The following AGGF1 variants were observed in gnomAD, a reference collection of about 807,000 sequenced individuals.
AGGF1 encodes the protein angiogenic factor with G-patch and FHA domains 1, also known as angiogenic factor with G patch and FHA domains 1.
A neutral mutation model predicts 86.5 loss-of-function variants in AGGF1; 56 were observed. That is an observed-to-expected ratio of 0.65 (90% CI 0.52 to 0.81). AGGF1 has a LOEUF of 0.81. AGGF1 is among the 30% of genes least tolerant of loss of function. The pLI, the probability that AGGF1 is intolerant of heterozygous loss-of-function variation, is 0.00. For missense variants in AGGF1, 816 were observed against 850.9 expected, an observed-to-expected ratio of 0.96 and a Z score of 0.51; for synonymous variants, 313 against 297.1, an observed-to-expected ratio of 1.05 and a Z score of -0.55.
At chr5:77,036,826 C>T (rs948993214) in intron 4 of AGGF1, 106 bp downstream of exon 4, 1 of 1,256,108 alleles carries the variant, frequency 8.0e-7, no homozygotes, top group Non-Finnish European at 1.1e-6. Flanking sequence ...CAACTTTCAC[C>T]CCCCAGGTTC....
intron 12 of AGGF1, among the ~76,000 whole-genome samples, chr5:77,061,129 A>G (rs1029749516): frequency 7.2e-5 from 11 of 152,232 alleles, no homozygotes; most frequent in Admixed American, 3.3e-4. Flanking sequence ...TCAATGATAC[A>G]TCATAAGATT....
At chr5:77,047,798 G>A (rs1017764076) in intron 6 of AGGF1, among the ~76,000 whole-genome samples, 24 of 149,236 alleles carry the variant, frequency 1.6e-4, no homozygotes, top group Admixed American at 1.0e-3. Flanking sequence ...GATTATAGGT[G>A]TGGACCACTG....
intron 12 of AGGF1, among the ~76,000 whole-genome samples, chr5:77,061,249 A>G (rs1033681878): frequency 6.6e-6 from 1 of 152,184 alleles, no homozygotes; most frequent in Non-Finnish European, 1.5e-5. Context: ...TGTCCTCCCG[A>G]AAGGTAATCA....
intron 5 of AGGF1, 38 bp downstream of exon 5, chr5:77,039,757 G>T: frequency 6.4e-7 from 1 of 1,565,442 alleles, no homozygotes; most frequent in Non-Finnish European, 8.7e-7. Flanking sequence ...ACATAATGGT[G>T]ATAACATGAT....
intron 10 of AGGF1, among the ~76,000 whole-genome samples, chr5:77,054,426 T>C (rs1051578956): frequency 2.0e-5 from 3 of 152,242 alleles, no homozygotes; most frequent in Non-Finnish European, 4.4e-5. Flanking sequence ...CTTCATGATA[T>C]GTAGCATTGG....
intron 9 of AGGF1, among the ~76,000 whole-genome samples, chr5:77,053,137 T>C (rs1390658630): frequency 6.6e-6 from 1 of 152,188 alleles, no homozygotes; most frequent in Non-Finnish European, 1.5e-5. Context: ...TGTTACTAAA[T>C]TGAAAACTGT....
rs772360339 is a variant in AGGF1, at chr5:77,046,488, A to G, written c.1012A>G (p.Ser338Gly). 1.2e-6 allele frequency: 2 copies of G among 1,614,096 alleles called. No individual in the cohort carries two copies. Among genetic ancestry groups the G allele is most frequent in the Admixed American group, 3.3e-5 (2 of 60,024 alleles). The change falls in exon 6 of 14, where the codon AGT becomes GGT. Residue 338 changes from serine (S) to glycine (G), a missense_variant. Physicochemically the swap from Ser to Gly is moderately conservative, Grantham distance 56. Around this residue, in one of 3 missense-constraint regions of AGGF1, gnomAD observed 565 missense variants for 585.8 expected, o/e 0.96. Transcript: ENST00000312916. ...NSPPKVTVPTSGNTIESPLHE... is the reference protein window; with the variant it reads ...NSPPKVTVPTGGNTIESPLHE... ...TCCCCCCAAAGTCACTGTTCCAACT[A>G]GTGGAAATACTATAGAGTCTCCTCT...
intron 1 of AGGF1, 36 bp from the exon 2 acceptor site, chr5:77,034,382 A>ATT (rs1746925476): frequency 7.8e-7 from 1 of 1,277,894 alleles, no homozygotes; most frequent in Non-Finnish European, 1.1e-6. Flanking sequence ...AGATTGTTAC[A>ATT]TGATTTCTTT....
chr5:77,044,285 G>A (rs757351503), intron 5 of AGGF1, among the ~76,000 whole-genome samples: 1 of 152,120 alleles, frequency 6.6e-6, no homozygotes, highest in Non-Finnish European at 1.5e-5. Context: ...TCCAGCCTGG[G>A]CACCATTGAG....
intron 11 of AGGF1, among the ~76,000 whole-genome samples, chr5:77,058,962 A>G (rs902064672): frequency 1.3e-5 from 2 of 152,220 alleles, no homozygotes; most frequent in African/African-American, 2.4e-5. Context: ...GTGACTAATA[A>G]GTCACTTAAA....
intron 8 of AGGF1, among the ~76,000 whole-genome samples, chr5:77,051,113 A>G (rs966478419): frequency 9.9e-5 from 15 of 151,088 alleles, no homozygotes; most frequent in Non-Finnish European, 2.1e-4. Flanking sequence ...TTTACAGAAG[A>G]GGAAACCCAA....
chr5:77,046,711 C>A (rs767554843), intron 6 of AGGF1, 34 bp downstream of exon 6: 1 of 1,585,586 alleles, frequency 6.3e-7, no homozygotes, highest in Non-Finnish European at 8.7e-7. Context: ...GTAAATAGCC[C>A]AGTCTGGTAA....
At chr5:77,035,798 T>C (rs1324794169) in intron 3 of AGGF1, 55 bp downstream of exon 3, 2 of 1,479,786 alleles carry the variant, frequency 1.4e-6, no homozygotes, top group Non-Finnish European at 1.9e-6. Flanking sequence ...TCCTTCTTTG[T>C]TGTTATTATG....
chr5:77,043,702 A>T (rs1580128670), intron 5 of AGGF1, among the ~76,000 whole-genome samples: 2 of 132,678 alleles, frequency 1.5e-5, no homozygotes, highest in African/African-American at 2.8e-5. Flanking sequence ...TCCCTCCCGG[A>T]CGGGGTGGCT....
Position 77,064,958 on chromosome 5 carries a change from G to T in AGGF1, c.*1706G>T, listed in dbSNP as rs149971031. 6.6e-6 allele frequency: 1 copy of T among 152,160 alleles called. No homozygotes were observed. Among genetic ancestry groups the T allele is most frequent in the African/African-American group, 2.4e-5 (1 of 41,428 alleles). The allele number at this position is 152,160 out of a possible 1,614,324, so 9.4% of individuals were successfully genotyped here. A position where few individuals can be genotyped will look rare whatever the true frequency, so the allele number is the denominator to read the frequency against. ...TATGGTGTTAAAAATGGAAATATATGTGATATTTGCATTATTAAACCCCTT... is the reference window on the plus strand; with the variant it reads ...TATGGTGTTAAAAATGGAAATATATTTGATATTTGCATTATTAAACCCCTT... On this transcript the variant is annotated 3_prime_UTR_variant, in exon 14 of 14. Coordinates refer to ENST00000312916, the MANE Select transcript of AGGF1 (RefSeq NM_018046.5).
chr5:77,038,106 C>G (rs888960586), intron 4 of AGGF1, among the ~76,000 whole-genome samples: 1 of 152,086 alleles, frequency 6.6e-6, no homozygotes, highest in African/African-American at 2.4e-5. Flanking sequence ...TAAGATAATA[C>G]TAAATATCTC....
chr5:77,048,211 C>A lies in AGGF1; in HGVS notation c.1252C>A (p.Pro418Thr), dbSNP rs1348331577. ...PCIRVIVIRSPVLQIGSLFII... is the reference protein window; with the variant it reads ...PCIRVIVIRSTVLQIGSLFII... ...TATTAGAGTAATTGTCATTAGATCA[C>A]CTGTGTTGCAGATAGGATCACTCTT... is the stretch of plus-strand genomic sequence containing the variant. The change falls in exon 7 of 14, where the codon CCT (proline) becomes ACT (threonine). Residue 418 changes from proline (P) to threonine (T), a missense_variant. Around this residue, in one of 3 missense-constraint regions of AGGF1, gnomAD observed 565 missense variants for 585.8 expected, o/e 0.96. Transcript: ENST00000312916. The A allele has an allele frequency of 1.2e-6, 2 of 1,613,770 alleles. No individual in the cohort carries two copies. The highest frequency in any genetic ancestry group is 4.5e-5 in the East Asian group (2 of 44,826).
chr5:77,044,759 A>T (rs559308481), intron 5 of AGGF1, among the ~76,000 whole-genome samples: 49 of 152,138 alleles, frequency 3.2e-4, no homozygotes, highest in Non-Finnish European at 6.8e-4. Flanking sequence ...AGAAGTGTGT[A>T]TAATTTATCA....
At chr5:77,046,292 G>A in intron 5 of AGGF1, 55 bp from the exon 6 acceptor site, 1 of 1,377,566 alleles carries the variant, frequency 7.3e-7, no homozygotes, top group Non-Finnish European at 1.0e-6. Context: ...TTATAAGATA[G>A]TGATGTTTAA....
Sources: gnomAD v4.1 joint callset for allele counts (sites outside exome capture counted in the v4.1 genomes callset) on GRCh38, gnomAD v4.1.1 for gene constraint, gnomAD v4.1.1 regional missense constraint, MANE v1.5 for transcripts, NCBI Gene and HGNC (gene_info 2026-07-23, HGNC 2026-07-21) for gene names.